GRIA3: variants seen among roughly 807,000 people sequenced by gnomAD.
GRIA3 encodes glutamate ionotropic receptor AMPA type subunit 3.
In GRIA3, 3 loss-of-function variants were observed where a neutral mutation model predicts 63.0. The ratio of observed to expected loss-of-function variants is 0.05; its 90% CI spans 0.02 to 0.12. The LOEUF is 0.12. Ranked by LOEUF, GRIA3 falls within the 10% of genes least tolerant of loss-of-function variation. The pLI, the probability that GRIA3 is intolerant of heterozygous loss-of-function variation, is 1.00. For synonymous variants in GRIA3, 274 were observed against 257.9 expected, an observed-to-expected ratio of 1.06 and a Z score of -0.60; for missense variants, 347 against 700.9, an observed-to-expected ratio of 0.50 and a Z score of 5.70.
At chrX:123,362,117 G>A (rs1217670202) in intron 5 of GRIA3, among the ~76,000 whole-genome samples, 1 of 111,638 alleles carries the variant, frequency 9.0e-6, no homozygotes, top group Non-Finnish European at 1.9e-5. Flanking sequence ...CTGCTCTGAA[G>A]GTCTTTACAG....
intron 2 of GRIA3, among the ~76,000 whole-genome samples, chrX:123,221,368 G>A (rs952481962): frequency 1.8e-5 from 2 of 112,261 alleles, no homozygotes; most frequent in Admixed American, 1.9e-4. Context: ...GTACAAGGAG[G>A]TAGAAATACA....
chrX:123,408,579 T>C (rs181470703), intron 10 of GRIA3, among the ~76,000 whole-genome samples: 1 of 112,221 alleles, frequency 8.9e-6, no homozygotes, highest in Non-Finnish European at 1.9e-5. Context: ...GGAGCTTGAG[T>C]ATTAGAGTCC....
chrX:123,452,840 G>A lies in GRIA3; in HGVS notation c.2077-12025G>A, dbSNP rs1215292158. Among the ~76,000 whole-genome samples, 4 of 111,443 alleles carry A rather than the reference G, an allele frequency of 3.6e-5. No homozygotes were observed. The East Asian group carries it at 1.1e-3, about 32-fold the overall frequency. On this transcript the variant is annotated intron_variant, in intron 12 of 15. Coordinates refer to ENST00000620443, the MANE Select transcript of GRIA3 (RefSeq NM_007325.5). ...TTGATTGAGAGTCAGGGAATTTGAG[G>A]CTTTGCTCTAGTTAGTAGTGAAAGG...
At chrX:123,330,774 CAG>C (rs1270803739) in intron 4 of GRIA3, among the ~76,000 whole-genome samples, 1 of 111,271 alleles carries the variant, frequency 9.0e-6, no homozygotes, top group East Asian at 2.8e-4. Context: ...CATTATAAAA[CAG>C]AGAGGAAATG....
At chrX:123,271,052 T>C (rs957215074) in intron 3 of GRIA3, among the ~76,000 whole-genome samples, 2 of 111,895 alleles carry the variant, frequency 1.8e-5, no homozygotes, top group Non-Finnish European at 3.8e-5. Flanking sequence ...AAGGCAACCT[T>C]CTCACTGACC....
intron 5 of GRIA3, among the ~76,000 whole-genome samples, chrX:123,368,149 G>C (rs1012452346): frequency 9.0e-6 from 1 of 111,642 alleles, no homozygotes. Flanking sequence ...GTGTCTGATA[G>C]GCAGATGCTT....
intron 4 of GRIA3, among the ~76,000 whole-genome samples, chrX:123,331,533 T>C (rs926414800): frequency 1.8e-5 from 2 of 110,905 alleles, no homozygotes; most frequent in Non-Finnish European, 1.9e-5. Context: ...GAAGCAAAAA[T>C]GTTATAGCTA....
chrX:123,283,665 G>T (rs73229275), intron 3 of GRIA3, among the ~76,000 whole-genome samples: 5,445 of 111,815 alleles, frequency 0.049, 150 homozygotes, highest in Non-Finnish European at 0.071. Flanking sequence ...CTGCAGCTTG[G>T]CAAAGCAGCT....
intron 2 of GRIA3, among the ~76,000 whole-genome samples, chrX:123,217,968 C>T (rs1461032268): frequency 1.8e-5 from 2 of 112,473 alleles, no homozygotes; most frequent in African/African-American, 6.5e-5. Flanking sequence ...GCAAACTGCT[C>T]ATTTGTGATA....
intron 3 of GRIA3, among the ~76,000 whole-genome samples, chrX:123,269,005 T>G (rs2044504793): frequency 1.8e-5 from 2 of 112,199 alleles, no homozygotes; most frequent in Admixed American, 1.9e-4. Context: ...CTCTTCCTTT[T>G]GTGCCCACGC....
At chrX:123,333,188 G>C (rs1054815968) in intron 4 of GRIA3, among the ~76,000 whole-genome samples, 3 of 111,891 alleles carry the variant, frequency 2.7e-5, no homozygotes, top group Non-Finnish European at 5.7e-5. Flanking sequence ...TTATTACCTG[G>C]ATTTCAGAGG....
At chrX:123,190,657 A>C (rs1438914210) in intron 2 of GRIA3, among the ~76,000 whole-genome samples, 1 of 111,562 alleles carries the variant, frequency 9.0e-6, no homozygotes, top group Non-Finnish European at 1.9e-5. Flanking sequence ...CTCCATCTAC[A>C]TTTACTGCAA....
intron 5 of GRIA3, among the ~76,000 whole-genome samples, chrX:123,377,026 C>T (rs919103346): frequency 9.4e-6 from 1 of 106,879 alleles, no homozygotes; most frequent in Non-Finnish European, 1.9e-5. Context: ...GCTCCGCCTC[C>T]CGGGTTCACG....
chrX:123,203,671 C>T (rs116836618), intron 2 of GRIA3, among the ~76,000 whole-genome samples: 2,020 of 111,837 alleles, frequency 0.018, 49 homozygotes, highest in African/African-American at 0.062. Context: ...CCCCACTCAT[C>T]AAGCTCCCAA....
In GRIA3 at chrX:123,463,678, A is replaced by G. The variant is rs866108888; in HGVS notation, c.2077-1187A>G. 4.4e-4 allele frequency among the ~76,000 whole-genome samples: 24 copies of G among 54,804 alleles called. 2 individuals are homozygous for G. Among genetic ancestry groups the G allele is most frequent in the African/African-American group, 1.1e-3 (12 of 10,505 alleles). The allele number at this position is 54,804 out of a possible 115,157, so 47.6% of individuals were successfully genotyped here. On this transcript the variant is annotated intron_variant, in intron 12 of 15. Coordinates refer to ENST00000620443, the MANE Select transcript of GRIA3 (RefSeq NM_007325.5). ...AAAGAAAGAAAGAAAGAAAGAAAGA[A>G]AGAAAGAGAGAGAAAGAAAGAAAAA... is the stretch of plus-strand genomic sequence containing the variant.
chrX:123,291,523 A>C (rs1468130499), intron 3 of GRIA3, among the ~76,000 whole-genome samples: 2 of 110,893 alleles, frequency 1.8e-5, no homozygotes, highest in African/African-American at 6.6e-5. Flanking sequence ...CACAATATAC[A>C]AACCTGCACA....
chrX:123,462,307 G>C (rs1477694208), intron 12 of GRIA3, among the ~76,000 whole-genome samples: 1 of 111,745 alleles, frequency 8.9e-6, no homozygotes, highest in African/African-American at 3.3e-5. Flanking sequence ...ATAACAGGTA[G>C]AATAAATCCA....
rs1033763215 is a variant in GRIA3, at chrX:123,241,106, G to A, written c.269-12197G>A. On this transcript the variant is annotated intron_variant, in intron 2 of 15. Coordinates refer to ENST00000620443, the MANE Select transcript of GRIA3 (RefSeq NM_007325.5). ...ATAGGGGTGAAGAATAAAGTAGCAT[G>A]CCCAATAATTTTGTCCTTGGCCCTG... Among the ~76,000 whole-genome samples, 5 of 111,642 alleles carry A rather than the reference G, an allele frequency of 4.5e-5. No individual in the cohort carries two copies. The East Asian group carries it at 8.4e-4, about 19-fold the overall frequency.
At chrX:123,428,431 T>C (rs1296383067) in intron 12 of GRIA3, among the ~76,000 whole-genome samples, 2 of 111,504 alleles carry the variant, frequency 1.8e-5, no homozygotes, top group African/African-American at 6.5e-5. Context: ...CCATTTAACT[T>C]CTACCAGCTT....
Sources: gnomAD v4.1 joint callset for allele counts (sites outside exome capture counted in the v4.1 genomes callset) on GRCh38, gnomAD v4.1.1 for gene constraint, MANE v1.5 for transcripts, NCBI Gene and HGNC (gene_info 2026-07-23, HGNC 2026-07-21) for gene names.